LDAF1: variants seen among roughly 807,000 people sequenced by gnomAD.
LDAF1 encodes the protein lipid droplet assembly factor 1.
Under a neutral mutation model 13.5 loss-of-function variants are expected in LDAF1, and 7 were observed. The ratio of observed to expected loss-of-function variants is 0.52; its 90% CI spans 0.29 to 0.97. The LOEUF (loss-of-function observed/expected upper bound fraction) is 0.97. Ranked by LOEUF, LDAF1 falls within the 50% of genes least tolerant of loss-of-function variation. The probability of loss-of-function intolerance (pLI) is 0.07; values close to 1 mark genes in which losing one functional copy is unlikely to be tolerated. For synonymous variants in LDAF1, 69 were observed against 77.1 expected (o/e 0.89, Z 0.55); for missense variants, 148 against 193.2 (o/e 0.77, Z 1.39).
At chr16:21,158,838 G>C (rs544133518) in intron 1 of LDAF1, 92 bp downstream of exon 1, 1 of 161,292 alleles carries the variant, frequency 6.2e-6, no homozygotes, top group East Asian at 1.9e-4. Context: ...GCGCGGGGGC[G>C]ACGGCGTGAG....
chr16:21,167,664 A>G (rs1045925715), intron 2 of LDAF1, among the ~76,000 whole-genome samples: 2 of 136,600 alleles, frequency 1.5e-5, no homozygotes, highest in Non-Finnish European at 3.1e-5. Flanking sequence ...TGTTGCAAGC[A>G]TTGGACATTC....
At chr16:21,159,985 C>T (rs1237258119) in intron 1 of LDAF1, 2 of 984,720 alleles carry the variant, frequency 2.0e-6, no homozygotes, top group Non-Finnish European at 2.4e-6. Context: ...CTTTCCCCTC[C>T]AAAGGGTTTC....
rs1467085972 is a variant in LDAF1 at position 21,180,541 on chromosome 16, A to G, written c.*985A>G. On this transcript the variant is annotated 3_prime_UTR_variant, in exon 5 of 5. Coordinates refer to ENST00000233047, the MANE Select transcript of LDAF1 (RefSeq NM_001301771.2). ...AGGCGTGAGCCACTGTGCCCAGCCTAAGCCATTTCTTAAAATAAAAATGCT... is the reference window on the plus strand; with the variant it reads ...AGGCGTGAGCCACTGTGCCCAGCCTGAGCCATTTCTTAAAATAAAAATGCT... 1 of 152,170 alleles carries G rather than the reference A, an allele frequency of 6.6e-6. No individual in the cohort carries two copies. The highest frequency in any genetic ancestry group is 1.5e-5 in the Non-Finnish European group (1 of 68,032). 9.4% of individuals were successfully genotyped at this position (152,170 alleles called of 1,614,324 possible). A position where few individuals can be genotyped will look rare whatever the true frequency, so the allele number is the denominator to read the frequency against.
intron 3 of LDAF1, chr16:21,173,334 G>C (rs551205066): frequency 1.3e-5 from 2 of 152,552 alleles, no homozygotes; most frequent in East Asian, 3.9e-4. Context: ...GTACTGCCTT[G>C]GCTGACTCCT....
intron 1 of LDAF1, chr16:21,159,526 C>A: frequency 2.4e-6 from 3 of 1,274,984 alleles, no homozygotes; most frequent in Non-Finnish European, 2.2e-6. Context: ...GTGGGAGGGC[C>A]AGGAGATTTA....
At chr16:21,173,818 G>A (rs1440186420) in intron 3 of LDAF1, among the ~76,000 whole-genome samples, 192 bp from the exon 4 acceptor site, 1 of 152,224 alleles carries the variant, frequency 6.6e-6, no homozygotes, top group Non-Finnish European at 1.5e-5. Flanking sequence ...TGTTGCCATG[G>A]TTTGATGCCC....
chr16:21,179,133 TTC>T (rs1336520557), intron 4 of LDAF1, among the ~76,000 whole-genome samples: 3 of 152,196 alleles, frequency 2.0e-5, no homozygotes, highest in Non-Finnish European at 4.4e-5. Flanking sequence ...GCTGCTTGAC[TTC>T]TCTGATTTCA....
chr16:21,173,725 A>G (rs1036309826), intron 3 of LDAF1, among the ~76,000 whole-genome samples: 1 of 151,992 alleles, frequency 6.6e-6, no homozygotes, highest in African/African-American at 2.4e-5. Context: ...AAGAAAAAAA[A>G]AAAGACAAAA....
chr16:21,166,790 C>A, intron 2 of LDAF1: 1 of 1,495,166 alleles, frequency 6.7e-7, no homozygotes, highest in Non-Finnish European at 9.0e-7. Flanking sequence ...GACCAGCCCA[C>A]ATTCTGTGTG....
chr16:21,174,723 C>T (rs2093123937), intron 4 of LDAF1, among the ~76,000 whole-genome samples: 1 of 152,140 alleles, frequency 6.6e-6, no homozygotes. Context: ...ATTATTGATT[C>T]CTTTTAAAAG....
At chr16:21,172,881 C>T in intron 3 of LDAF1, 1 of 980,684 alleles carries the variant, frequency 1.0e-6, no homozygotes, top group South Asian at 4.7e-5. Context: ...TCCCTGAAAC[C>T]ATCACTGTGG....
At chr16:21,174,322 T>C (rs907222369) in intron 4 of LDAF1, among the ~76,000 whole-genome samples, 174 bp downstream of exon 4, 1 of 152,100 alleles carries the variant, frequency 6.6e-6, no homozygotes, top group Non-Finnish European at 1.5e-5. Context: ...CCCAAGTAGC[T>C]GGGGCTACAG....
intron 2 of LDAF1, 80 bp downstream of exon 2, chr16:21,161,358 C>T: frequency 6.7e-7 from 1 of 1,493,090 alleles, no homozygotes; most frequent in Non-Finnish European, 9.0e-7. Flanking sequence ...ATTTCTTTCT[C>T]CAGTAGAAGG....
At chr16:21,174,677 G>A (rs1215732083) in intron 4 of LDAF1, among the ~76,000 whole-genome samples, 8 of 152,262 alleles carry the variant, frequency 5.3e-5, no homozygotes, top group East Asian at 3.9e-4. Flanking sequence ...TTTCCATCAC[G>A]TATACACATT....
intron 3 of LDAF1, 27 bp downstream of exon 3, chr16:21,170,632 T>C: frequency 6.2e-7 from 1 of 1,612,480 alleles, no homozygotes; most frequent in Non-Finnish European, 8.5e-7. Context: ...TTCACCCCTT[T>C]AGAAAATAAT....
chr16:21,178,332 C>T, intron 4 of LDAF1: 1 of 985,336 alleles, frequency 1.0e-6, no homozygotes, highest in Non-Finnish European at 1.2e-6. Flanking sequence ...TCCAAACCAG[C>T]CTGAGCATAA....
At chr16:21,177,270 G>C (rs922762011) in intron 4 of LDAF1, 2 of 152,160 alleles carry the variant, frequency 1.3e-5, no homozygotes, top group South Asian at 4.1e-4. Flanking sequence ...GGTTGGGAGA[G>C]GGAGGCAAAG....
At chr16:21,167,508 A>G (rs774777172) in intron 2 of LDAF1, among the ~76,000 whole-genome samples, 1 of 152,218 alleles carries the variant, frequency 6.6e-6, no homozygotes, top group Non-Finnish European at 1.5e-5. Context: ...GTCTCCCTCC[A>G]TTGAGTCAGA....
chr16:21,176,477 T>C (rs918756226), intron 4 of LDAF1, among the ~76,000 whole-genome samples: 1 of 152,076 alleles, frequency 6.6e-6, no homozygotes, highest in Non-Finnish European at 1.5e-5. Context: ...ACCACATCTC[T>C]ACAAAAAATA....
Sources: gnomAD v4.1 joint callset for allele counts (sites outside exome capture counted in the v4.1 genomes callset) on GRCh38, gnomAD v4.1.1 for gene constraint, MANE v1.5 for transcripts, NCBI Gene and HGNC (gene_info 2026-07-23, HGNC 2026-07-21) for gene names.